Variants in SDK1 observed in about 807,000 individuals in gnomAD.
SDK1 encodes the protein sidekick cell adhesion molecule 1.
A neutral mutation model predicts 245.5 loss-of-function variants in SDK1; 157 were observed. That is an observed-to-expected ratio of 0.64 (90% CI 0.56 to 0.73). SDK1 has a LOEUF of 0.73. SDK1 is among the 30% of genes least tolerant of loss of function. The probability of loss-of-function intolerance (pLI) is 0.00; values close to 1 mark genes in which losing one functional copy is unlikely to be tolerated. For missense variants in SDK1, 3,583 were observed against 3,002.3 expected (o/e 1.19, Z -4.52); for synonymous variants, 1,647 against 1,278.5 (o/e 1.29, Z -6.15).
In SDK1 at chr7:3,792,148, C is replaced by CA. The variant is rs200465338; in HGVS notation, c.714-29294dup. 8.7e-3 allele frequency among the ~76,000 whole-genome samples: 1,322 copies of CA among 151,672 alleles called. 10 individuals carry two copies. The highest frequency in any genetic ancestry group is 0.028 in the South Asian group (133 of 4,776). On this transcript the variant is annotated intron_variant, in intron 4 of 44. Coordinates refer to ENST00000404826, the MANE Select transcript of SDK1 (RefSeq NM_152744.4). ...CTTCCTAAATAACAAAACAAAATAACAAAAAAAACCCTTGCATTAACCTTA... is the reference window on the plus strand; with the variant it reads ...CTTCCTAAATAACAAAACAAAATAACAAAAAAAAACCCTTGCATTAACCTTA...
intron 35 of SDK1, among the ~76,000 whole-genome samples, chr7:4,183,442 T>C (rs1173272907): frequency 6.6e-6 from 1 of 151,924 alleles, no homozygotes; most frequent in Non-Finnish European, 1.5e-5. Context: ...AAGACCAGCC[T>C]GGCCAACATG....
chr7:3,591,261 C>G (rs1248889724), intron 1 of SDK1, among the ~76,000 whole-genome samples: 1 of 152,112 alleles, frequency 6.6e-6, no homozygotes, highest in African/African-American at 2.4e-5. Flanking sequence ...TTTGCAGTGT[C>G]ATAATACTGA....
chr7:3,962,703 C>T lies in SDK1; in HGVS notation c.1281C>T (p.Ile427=), dbSNP rs1781795382. 1 of 1,613,778 alleles carries T rather than the reference C, an allele frequency of 6.2e-7. No individual in the cohort carries two copies. Among genetic ancestry groups the T allele is most frequent in the South Asian group, 1.1e-5 (1 of 91,060 alleles). Residue 427 remains isoleucine (I), a synonymous_variant, in exon 9 of 45, where the codon ATC becomes ATT. Coordinates refer to ENST00000404826, the MANE Select transcript of SDK1 (RefSeq NM_152744.4). ...AGTGGTACAAGGATGCCATCTCCAT[C>T]AGCAGGCTCCAGAATCCTCGATACA... The part of the protein sequence containing the change: ...TLQWYKDAIS[I]SRLQNPRYKV...
chr7:3,648,110 A>G (rs1782904994), intron 4 of SDK1, among the ~76,000 whole-genome samples: 1 of 152,240 alleles, frequency 6.6e-6, no homozygotes, highest in Admixed American at 6.5e-5. Context: ...GCTTTGTCAT[A>G]TAAATACAGT....
intron 1 of SDK1, among the ~76,000 whole-genome samples, chr7:3,580,819 T>C (rs1780455556): frequency 6.6e-6 from 1 of 151,140 alleles, no homozygotes; most frequent in Non-Finnish European, 1.5e-5. Flanking sequence ...ATACAAAAAA[T>C]AGGCTGGATG....
chr7:3,617,630 G>T (rs938962028), intron 1 of SDK1, among the ~76,000 whole-genome samples: 3 of 152,234 alleles, frequency 2.0e-5, no homozygotes, highest in African/African-American at 7.2e-5. Context: ...GAGGCCCTTT[G>T]TGCTATATCA....
chr7:3,584,778 C>T (rs1404935255), intron 1 of SDK1, among the ~76,000 whole-genome samples: 1 of 150,788 alleles, frequency 6.6e-6, no homozygotes, highest in South Asian at 2.1e-4. Context: ...GGCTGGAGTG[C>T]AGTGGCGCGA....
intron 11 of SDK1, among the ~76,000 whole-genome samples, chr7:3,970,922 G>A (rs144710458): frequency 7.9e-4 from 120 of 152,304 alleles, no homozygotes; most frequent in African/African-American, 2.8e-3. Context: ...GTGACCCATC[G>A]CACAGGCAAG....
At chr7:4,133,683 G>C (rs1220839999) in intron 28 of SDK1, among the ~76,000 whole-genome samples, 1 of 152,192 alleles carries the variant, frequency 6.6e-6, no homozygotes, top group Admixed American at 6.5e-5. Context: ...GCCGGGTCTT[G>C]AGCTACTGTG....
chr7:4,030,597 C>T (rs1038739724), intron 17 of SDK1, among the ~76,000 whole-genome samples: 6 of 152,196 alleles, frequency 3.9e-5, no homozygotes, highest in African/African-American at 7.2e-5. Context: ...ACATCATCAA[C>T]GGGCTTTTCA....
At chr7:3,613,110 A>G (rs937792989) in intron 1 of SDK1, among the ~76,000 whole-genome samples, 1 of 152,174 alleles carries the variant, frequency 6.6e-6, no homozygotes, top group Non-Finnish European at 1.5e-5. Context: ...GTTGATTCCT[A>G]TTCATTCTGC....
intron 35 of SDK1, among the ~76,000 whole-genome samples, chr7:4,201,315 G>T (rs986538832): frequency 1.3e-5 from 2 of 152,198 alleles, no homozygotes; most frequent in Non-Finnish European, 2.9e-5. Context: ...CCCCTGCTCA[G>T]GGGAGCAGAT....
At chr7:3,516,611 A>G (rs931287838) in intron 1 of SDK1, among the ~76,000 whole-genome samples, 3 of 152,174 alleles carry the variant, frequency 2.0e-5, no homozygotes, top group African/African-American at 7.2e-5. Context: ...CTGGTGTGCT[A>G]CTAACAGTAT....
chr7:3,984,550 G>A (rs1159109421), intron 13 of SDK1, among the ~76,000 whole-genome samples: 2 of 152,160 alleles, frequency 1.3e-5, no homozygotes, highest in Non-Finnish European at 2.9e-5. Flanking sequence ...ACCCATTTCT[G>A]TTGTCTCCCA....
chr7:4,181,487 G>A (rs986236002), intron 35 of SDK1, among the ~76,000 whole-genome samples: 7 of 152,136 alleles, frequency 4.6e-5, no homozygotes, highest in Non-Finnish European at 8.8e-5. Context: ...AGGTGAGCCC[G>A]GCCTCTGAGG....
At chr7:3,821,309 C>A in intron 4 of SDK1, 141 bp from the exon 5 acceptor site, 2 of 882,110 alleles carry the variant, frequency 2.3e-6, no homozygotes, top group East Asian at 2.7e-5. Flanking sequence ...TTCTTAAAGT[C>A]GGCCTGTGTA....
At chr7:4,022,717 C>G (rs116957769) in intron 17 of SDK1, among the ~76,000 whole-genome samples, 1 of 151,908 alleles carries the variant, frequency 6.6e-6, no homozygotes, top group East Asian at 1.9e-4. Flanking sequence ...GAGCACAGTG[C>G]GATGTTGACC....
At chr7:3,724,331 G>T (rs1004850695) in intron 4 of SDK1, among the ~76,000 whole-genome samples, 19 of 152,068 alleles carry the variant, frequency 1.2e-4, no homozygotes, top group Non-Finnish European at 4.4e-5. Context: ...CCAGCACTTT[G>T]GGAGACTGAG....
chr7:3,350,417 A>G (rs548837278), intron 1 of SDK1, among the ~76,000 whole-genome samples: 2 of 152,320 alleles, frequency 1.3e-5, no homozygotes, highest in South Asian at 4.2e-4. Context: ...TACTCAGCAC[A>G]TAACTGATTA....
Sources: gnomAD v4.1 joint callset for allele counts (sites outside exome capture counted in the v4.1 genomes callset) on GRCh38, gnomAD v4.1.1 for gene constraint, MANE v1.5 for transcripts, NCBI Gene and HGNC (gene_info 2026-07-23, HGNC 2026-07-21) for gene names.